The following PABPN1L variants were observed in gnomAD, a reference collection of about 807,000 sequenced individuals.
The protein encoded by PABPN1L is PABPN1 like, cytoplasmic.
Under a neutral mutation model 34.0 loss-of-function variants are expected in PABPN1L, and 45 were observed. That is an observed-to-expected ratio of 1.32 (90% CI 1.04 to 1.70). The LOEUF (loss-of-function observed/expected upper bound fraction) is 1.70, where lower values mean the gene tolerates loss of function less well. Ranked by LOEUF, PABPN1L falls within the 40% of genes most tolerant of loss-of-function variation. The pLI, the probability that PABPN1L is intolerant of heterozygous loss-of-function variation, is 0.00. For missense variants in PABPN1L, 459 were observed against 367.8 expected (o/e 1.25, Z -2.03); for synonymous variants, 182 against 152.1 (o/e 1.20, Z -1.45).
Position 88,865,646 on chromosome 16 carries a change from C to A in PABPN1L, c.392-16G>T. ...AGGGGGCAGCCTGCGGAGAACACAGCTCAGGCCCGCAGGCCCTTGGTTCCT... is the reference window on the plus strand; with the variant it reads ...AGGGGGCAGCCTGCGGAGAACACAGATCAGGCCCGCAGGCCCTTGGTTCCT... On this transcript the variant is annotated splice_polypyrimidine_tract_variant and intron_variant, in intron 2 of 6. Coordinates refer to ENST00000419291, the Ensembl canonical transcript of PABPN1L. 2 of 1,596,670 alleles carry A rather than the reference C, an allele frequency of 1.3e-6. No homozygotes were observed. The highest frequency in any genetic ancestry group is 1.7e-6 in the Non-Finnish European group (2 of 1,170,976).
chr16:88,865,798 G>A lies in PABPN1L; in HGVS notation c.391+8C>T, dbSNP rs747564660. The A allele has an allele frequency of 6.2e-7, 1 of 1,600,736 alleles. No homozygotes were observed. On this transcript the variant is annotated splice_region_variant and intron_variant, in intron 2 of 6. Coordinates refer to ENST00000419291, the Ensembl canonical transcript of PABPN1L. The stretch of plus-strand genomic sequence containing the variant: ...CAGTGGGGGGCGGCCTGTGCCCTTG[G>A]TTCCTACCCACGGTCTCAGGGCTCA...
upstream of PABPN1L, among the ~76,000 whole-genome samples, chr16:88,868,368 C>A (rs920545215): frequency 6.6e-6 from 1 of 152,004 alleles, no homozygotes; most frequent in Non-Finnish European, 1.5e-5. Context: ...TCTGGGAGGC[C>A]GAGGTGAGCG....
upstream of PABPN1L, among the ~76,000 whole-genome samples, chr16:88,868,602 T>C (rs1028501363): frequency 6.6e-6 from 1 of 151,228 alleles, no homozygotes; most frequent in African/African-American, 2.4e-5. Flanking sequence ...TGAGACTGTC[T>C]CAAAAAACAA....
At chr16:88,863,851 C>T in intron 6 of PABPN1L, 56 bp from the exon 7 acceptor site, 2 of 1,492,784 alleles carry the variant, frequency 1.3e-6, no homozygotes, top group South Asian at 1.2e-5. Context: ...GGGGTGGTGG[C>T]CCAGGGCCCC....
upstream of PABPN1L, among the ~76,000 whole-genome samples, chr16:88,866,931 TCAG>T (rs1315113805): frequency 2.0e-5 from 3 of 152,174 alleles, no homozygotes; most frequent in African/African-American, 7.2e-5. Context: ...GGTTCACACC[TCAG>T]CAGCATCCAC....
At chr16:88,868,997 C>G (rs1201793367), upstream of PABPN1L, among the ~76,000 whole-genome samples, 1 of 152,152 alleles carries the variant, frequency 6.6e-6, no homozygotes, top group East Asian at 1.9e-4. Flanking sequence ...GTTTCAGAGC[C>G]AAGATCTTGG....
At chr16:88,868,299 C>CTTT (rs2143021222), upstream of PABPN1L, among the ~76,000 whole-genome samples, 1 of 152,306 alleles carries the variant, frequency 6.6e-6, no homozygotes, top group Admixed American at 6.5e-5. Context: ...CTGTGCTCTG[C>CTTT]TTTTTCCAAA....
chr16:88,868,364 A>C (rs533963791), upstream of PABPN1L, among the ~76,000 whole-genome samples: 1 of 152,280 alleles, frequency 6.6e-6, no homozygotes, highest in African/African-American at 2.4e-5. Flanking sequence ...GCAGTCTGGG[A>C]GGCCGAGGTG....
upstream of PABPN1L, among the ~76,000 whole-genome samples, chr16:88,869,617 G>A (rs531773804): frequency 5.9e-5 from 9 of 152,358 alleles, no homozygotes; most frequent in East Asian, 7.7e-4. Flanking sequence ...CCCCTGCCCC[G>A]TGTGTCTGTG....
At chr16:88,866,039 C>G in intron 1 of PABPN1L, 98 bp from the exon 2 acceptor site, 1 of 1,449,982 alleles carries the variant, frequency 6.9e-7, no homozygotes, top group East Asian at 2.5e-5. Flanking sequence ...GGTCACAGCC[C>G]CAAGGGGCAG....
chr16:88,864,864 G>C lies in PABPN1L; in HGVS notation c.643C>G (p.Arg215Gly), dbSNP rs758035491. 2 of 1,609,048 alleles carry C rather than the reference G, an allele frequency of 1.2e-6. No homozygotes were observed. The highest frequency in any genetic ancestry group is 1.7e-5 in the Admixed American group (1 of 59,512). Residue 215 changes from arginine (R) to glycine (G), a missense_variant, in exon 5 of 7, where the codon CGG becomes GGG. Transcript: ENST00000419291. ...GAGCACCGGCGCACCTTGATGACCC[G>C]GCCCCGGAAGAGGCTCTGGTCCAGC...
exon 3 of PABPN1L, chr16:88,865,589 C>T (rs1354568146): frequency 6.2e-7 from 1 of 1,611,742 alleles, no homozygotes; most frequent in East Asian, 2.2e-5. Context: ...GATCTGTGGT[C>T]AGCCTCCACC....
Position 88,865,549 on chromosome 16 carries a change from C to A in PABPN1L, c.459+14G>T. ...CCATTCGCTGCCTGCCCCTTCACCC[C>A]GCCCACCACTCACGTTGCCCACGTA... On this transcript the variant is annotated intron_variant, in intron 3 of 6. Transcript: ENST00000419291. 1 of 1,609,432 alleles carries A rather than the reference C, an allele frequency of 6.2e-7. No homozygotes were observed. Among genetic ancestry groups the A allele is most frequent in the Non-Finnish European group, 8.5e-7 (1 of 1,178,674 alleles).
rs1280549893 is a variant in PABPN1L at position 88,864,290 on chromosome 16, G to T, written c.744C>A (p.Phe248Leu). The change falls in exon 6 of 7, where the codon TTC (phenylalanine) becomes TTA (leucine). Residue 248 changes from phenylalanine to leucine, a missense_variant. By Grantham distance (22) the Phe-to-Leu change is conservative. Transcript: ENST00000419291. The stretch of plus-strand genomic sequence containing the variant: ...GCCTGCCCTGGAGGCCGCTGTGGGG[G>T]AAGGGTGCCCCCCTGGAGCCTGGGT... The T allele has an allele frequency of 6.4e-7, 1 of 1,556,418 alleles. No homozygotes were observed. Among genetic ancestry groups the T allele is most frequent in the Non-Finnish European group, 8.7e-7 (1 of 1,149,848 alleles).
upstream of PABPN1L, among the ~76,000 whole-genome samples, chr16:88,869,591 C>T (rs1247164519): frequency 6.6e-6 from 1 of 152,228 alleles, no homozygotes; most frequent in African/African-American, 2.4e-5. Context: ...CTGGGATCCT[C>T]CTGTTGGGAT....
upstream of PABPN1L, among the ~76,000 whole-genome samples, chr16:88,869,114 G>A (rs191636411): frequency 2.6e-5 from 4 of 152,280 alleles, no homozygotes; most frequent in East Asian, 1.9e-4. Flanking sequence ...TGTGTGATTC[G>A]GCTCCCAGCT....
At chr16:88,863,634 C>T in exon 7 of PABPN1L, 1 of 1,282,918 alleles carries the variant, frequency 7.8e-7, no homozygotes, top group Non-Finnish European at 1.1e-6. Context: ...AGTGGCTGCT[C>T]TGGACACCCC....
At position 88,865,607 on chromosome 16, in the gene PABPN1L, C is replaced by T. The variant is rs774960084; in HGVS notation, c.415G>A (p.Glu139Lys). ...CTGTGGTCAGCCTCCACCTTCTCCT[C>T]GGGGGTCCCAGAGAGGGGGCAGCCT... Residue 139 changes from glutamate to lysine, a missense_variant, in exon 3 of 7, where the codon GAG (glutamate) becomes AAG (lysine). Transcript: ENST00000419291. 7.5e-6 allele frequency: 12 copies of T among 1,610,536 alleles called. No homozygotes were observed. Among genetic ancestry groups the T allele is most frequent in the East Asian group, 2.2e-5 (1 of 44,810 alleles).
upstream of PABPN1L, among the ~76,000 whole-genome samples, chr16:88,869,317 C>T (rs943089330): frequency 6.6e-6 from 1 of 152,236 alleles, no homozygotes; most frequent in African/African-American, 2.4e-5. Context: ...GACGCCCCTT[C>T]CCCTCTCCCT....
Sources: gnomAD v4.1 joint callset for allele counts (sites outside exome capture counted in the v4.1 genomes callset) on GRCh38, gnomAD v4.1.1 for gene constraint, MANE v1.5 for transcripts, NCBI Gene and HGNC (gene_info 2026-07-23, HGNC 2026-07-21) for gene names.